Variants in HPN observed in about 807,000 individuals in gnomAD.
HPN encodes serine protease hepsin.
A neutral mutation model predicts 55.9 loss-of-function variants in HPN; 13 were observed. The observed-to-expected ratio is 0.23, with a 90% CI of 0.15 to 0.37. The LOEUF is 0.37. Among genes scored for constraint, HPN ranks in the 10% least tolerant of loss-of-function variants. The probability of loss-of-function intolerance (pLI) is 1.00; values close to 1 mark genes in which losing one functional copy is unlikely to be tolerated. For missense variants in HPN, 451 were observed against 575.8 expected, an observed-to-expected ratio of 0.78 and a Z score of 2.22; for synonymous variants, 225 against 240.3, an observed-to-expected ratio of 0.94 and a Z score of 0.59.
At chr19:35,052,534 C>CA (rs5827918) in intron 4 of HPN, among the ~76,000 whole-genome samples, 2,017 of 84,436 alleles carry the variant, frequency 0.024, 78 homozygotes, top group African/African-American at 0.081. Flanking sequence ...GAGTCTGTCT[C>CA]AAAAAAAAAA....
chr19:35,065,185 G>A, intron 9 of HPN, 65 bp from the exon 10 acceptor site: 7 of 1,143,070 alleles, frequency 6.1e-6, no homozygotes, highest in East Asian at 4.7e-5. Context: ...GGTAGCAGCT[G>A]GACAGAGGTT....
At chr19:35,051,690 A>G (rs1489227555) in intron 4 of HPN, among the ~76,000 whole-genome samples, 1 of 152,200 alleles carries the variant, frequency 6.6e-6, no homozygotes, top group African/African-American at 2.4e-5. Context: ...TTGTTAAAAA[A>G]AAAAAAAAAG....
intron 1 of HPN, 47 bp from the exon 2 acceptor site, chr19:35,042,406 T>A: frequency 4.6e-6 from 7 of 1,522,520 alleles, no homozygotes; most frequent in Non-Finnish European, 5.3e-6. Flanking sequence ...AGGACTGGGC[T>A]GGGCTGGGCT....
chr19:35,064,801 G>A (rs1176248006), intron 9 of HPN, among the ~76,000 whole-genome samples: 5 of 139,446 alleles, frequency 3.6e-5, no homozygotes, highest in Non-Finnish European at 8.0e-5. Context: ...GGTACGTGGC[G>A]ACTTCCGTTG....
chr19:35,049,614 G>T (rs1305634297), intron 4 of HPN, 98 bp downstream of exon 4: 6 of 1,090,364 alleles, frequency 5.5e-6, no homozygotes, highest in African/African-American at 1.6e-5. Flanking sequence ...ATGCACAAAT[G>T]CATGCAGAAA....
chr19:35,049,650 T>C, intron 4 of HPN, 134 bp downstream of exon 4: 1 of 851,274 alleles, frequency 1.2e-6, no homozygotes, highest in Non-Finnish European at 1.8e-6. Context: ...TGCATTTGTA[T>C]TGAGTGCCTG....
chr19:35,055,403 G>A (rs200261258), intron 4 of HPN, among the ~76,000 whole-genome samples: 16 of 147,494 alleles, frequency 1.1e-4, no homozygotes, highest in South Asian at 2.1e-4. Flanking sequence ...TCTCAAAAAA[G>A]AAAAAAAAAA....
intron 4 of HPN, 86 bp downstream of exon 4, chr19:35,049,602 A>AATACGTGTGTGAATAATGTGTGAAT: frequency 1.8e-6 from 2 of 1,126,062 alleles, no homozygotes; most frequent in Non-Finnish European, 2.6e-6. Context: ...TTTGTTGAAT[A>AATACGTGTGTGAATAATGTGTGAAT]AATGCACAAA....
chr19:35,042,552 G>A, intron 2 of HPN, 30 bp downstream of exon 2: 1 of 1,579,050 alleles, frequency 6.3e-7, no homozygotes, highest in Non-Finnish European at 8.7e-7. Flanking sequence ...CCCCAGCTTT[G>A]GCTCTGCCTG....
chr19:35,049,047 T>C (rs568019797), intron 2 of HPN, among the ~76,000 whole-genome samples: 3 of 152,268 alleles, frequency 2.0e-5, no homozygotes, highest in African/African-American at 7.2e-5. Flanking sequence ...GTGGAGACCG[T>C]GGCAGGTGGC....
In HPN at chr19:35,060,654, A is replaced by G. The variant is rs2064520044; in HGVS notation, c.648A>G (p.Arg216=). ...PERNRVLSRW[R]VFAGAVAQAS... ...GGAACCGGGTCCTGTCCCGATGGCGAGTGTTTGCCGGTGCCGTGGCCCAGG... is the reference window on the plus strand; with the variant it reads ...GGAACCGGGTCCTGTCCCGATGGCGGGTGTTTGCCGGTGCCGTGGCCCAGG... Residue 216 remains arginine, a synonymous_variant, in exon 9 of 13, where the codon CGA becomes CGG. Coordinates refer to ENST00000672452, the MANE Select transcript of HPN (RefSeq NM_001384133.1). The G allele has an allele frequency of 6.2e-7, 1 of 1,613,984 alleles. No homozygotes were observed. The highest frequency in any genetic ancestry group is 8.5e-7 in the Non-Finnish European group (1 of 1,180,004).
chr19:35,050,615 G>C, intron 4 of HPN: 1 of 994,402 alleles, frequency 1.0e-6, no homozygotes, highest in African/African-American at 1.7e-5. Flanking sequence ...CTTCCCAAAT[G>C]CCAACTTCAA....
At chr19:35,057,080 C>G (rs7252069) in intron 4 of HPN, among the ~76,000 whole-genome samples, 21,745 of 152,104 alleles carry the variant, frequency 0.14, 1,657 homozygotes, top group African/African-American at 0.2. Context: ...CTCACTTAAC[C>G]GACAGTCACA....
chr19:35,049,812 C>G (rs1184184994), intron 4 of HPN, among the ~76,000 whole-genome samples: 9 of 150,168 alleles, frequency 6.0e-5, no homozygotes, highest in Admixed American at 6.0e-4. Flanking sequence ...CGATTACAGA[C>G]TATCACAGTA....
intron 2 of HPN, among the ~76,000 whole-genome samples, chr19:35,042,972 T>C (rs774047860): frequency 1.3e-5 from 2 of 152,194 alleles, no homozygotes; most frequent in Admixed American, 6.5e-5. Flanking sequence ...GGGTCAAGCA[T>C]GGATACCAGT....
In HPN at chr19:35,060,450, C is replaced by T. The variant is rs1568362150; in HGVS notation, c.558C>T (p.His186=). 6.2e-7 allele frequency: 1 copy of T among 1,613,466 alleles called. No homozygotes were observed. The highest frequency in any genetic ancestry group is 8.5e-7 in the Non-Finnish European group (1 of 1,179,992). The change falls in exon 8 of 13, where the codon CAC becomes CAT. Residue 186 remains histidine, a synonymous_variant. Transcript: ENST00000672452. ...TCAGCCTTCGCTATGATGGAGCACA[C>T]CTCTGTGGGGGATCCCTGCTCTCCG... ...WQVSLRYDGA[H]LCGGSLLSGD... is the part of the protein sequence containing the mutation.
Position 35,065,534 on chromosome 19 carries a change from C to T in HPN, c.908-5C>T. 6.2e-7 allele frequency: 1 copy of T among 1,613,860 alleles called. No homozygotes were observed. Among genetic ancestry groups the T allele is most frequent in the Non-Finnish European group, 8.5e-7 (1 of 1,179,926 alleles). On this transcript the variant is annotated splice_polypyrimidine_tract_variant and splice_region_variant and intron_variant, in intron 10 of 12. Transcript: ENST00000672452. Reference sequence around the variant, plus strand: ...CTCTGGCCAGCCTTGCCTGCACACCCCCAGGCCAACAGGCCGGGGTACTCC... The same window carrying T: ...CTCTGGCCAGCCTTGCCTGCACACCTCCAGGCCAACAGGCCGGGGTACTCC...
intron 9 of HPN, 146 bp downstream of exon 9, chr19:35,060,963 T>A (rs1014885923): frequency 1.7e-5 from 12 of 717,136 alleles, no homozygotes; most frequent in Middle Eastern, 4.0e-4. Context: ...AAGTGGGCCT[T>A]AACTATCAAT....
At chr19:35,050,527 T>C in intron 4 of HPN, 1 of 1,288,890 alleles carries the variant, frequency 7.8e-7, no homozygotes. Flanking sequence ...CCACTGTAAG[T>C]GTGTCTGCAG....
Sources: gnomAD v4.1 joint callset for allele counts (sites outside exome capture counted in the v4.1 genomes callset) on GRCh38, gnomAD v4.1.1 for gene constraint, MANE v1.5 for transcripts, NCBI Gene and HGNC (gene_info 2026-07-23, HGNC 2026-07-21) for gene names.